Variants in USH2A observed in about 807,000 individuals in gnomAD.
USH2A encodes Usher syndrome 2A (autosomal recessive, mild).
Under a neutral mutation model 538.9 loss-of-function variants are expected in USH2A, and 443 were observed. That is an observed-to-expected ratio of 0.82 (90% CI 0.76 to 0.89). The LOEUF (loss-of-function observed/expected upper bound fraction) is 0.89. Ranked by LOEUF, USH2A falls within the 40% of genes least tolerant of loss-of-function variation. The probability of loss-of-function intolerance (pLI) is 0.00; values close to 1 mark genes in which losing one functional copy is unlikely to be tolerated. For synonymous variants in USH2A, 2,413 were observed against 2,273.5 expected, an observed-to-expected ratio of 1.06 and a Z score of -1.75; for missense variants, 6,633 against 6,324.8, an observed-to-expected ratio of 1.05 and a Z score of -1.65.
At chr1:215,923,371 C>T (rs1666151167) in intron 38 of USH2A, among the ~76,000 whole-genome samples, 1 of 152,102 alleles carries the variant, frequency 6.6e-6, no homozygotes, top group Admixed American at 6.6e-5. Context: ...CATACCCACT[C>T]TGCTTTCTTC....
intron 21 of USH2A, among the ~76,000 whole-genome samples, chr1:216,125,075 T>C (rs950614224): frequency 3.3e-5 from 5 of 152,306 alleles, no homozygotes; most frequent in East Asian, 1.9e-4. Flanking sequence ...TATGCTTATA[T>C]AGAACTAACA....
intron 64 of USH2A, among the ~76,000 whole-genome samples, chr1:215,653,245 A>T (rs1657136955): frequency 6.6e-6 from 1 of 152,184 alleles, no homozygotes; most frequent in East Asian, 1.9e-4. Context: ...CCTGGATTTT[A>T]AAAACACTTG....
intron 13 of USH2A, among the ~76,000 whole-genome samples, chr1:216,232,920 G>A (rs2035730229): frequency 6.6e-6 from 1 of 152,122 alleles, no homozygotes; most frequent in African/African-American, 2.4e-5. Flanking sequence ...AGATTGAGAA[G>A]GTTAACACAC....
chr1:216,237,694 A>C (rs1465515834), intron 13 of USH2A, among the ~76,000 whole-genome samples: 1 of 152,182 alleles, frequency 6.6e-6, no homozygotes, highest in Non-Finnish European at 1.5e-5. Context: ...GTTTGCAGGC[A>C]AAACCTTATC....
intron 41 of USH2A, among the ~76,000 whole-genome samples, chr1:215,880,951 C>T (rs956499179): frequency 7.2e-5 from 11 of 151,862 alleles, no homozygotes; most frequent in African/African-American, 2.4e-4. Context: ...ATAAAAATAC[C>T]AAAAATCACC....
chr1:215,760,479 T>C (rs185428930), intron 56 of USH2A, among the ~76,000 whole-genome samples: 1 of 152,254 alleles, frequency 6.6e-6, no homozygotes, highest in East Asian at 1.9e-4. Context: ...TAAATATGCA[T>C]ATGCTGAAGA....
chr1:215,841,424 G>A lies in USH2A; in HGVS notation c.9258+2870C>T, dbSNP rs1663672677. ...CCACTATCTGATCTTCGACAAACCT[G>A]ACAAAAACAAGCAGTGGGGAAAGGA... On this transcript the variant is annotated intron_variant, in intron 46 of 71. Transcript: ENST00000307340. Among the ~76,000 whole-genome samples the A allele has an allele frequency of 2.6e-5, 4 of 152,234 alleles. No individual in the cohort carries two copies. In the South Asian group the frequency reaches 8.3e-4, roughly 32 times the overall value.
chr1:215,740,363 C>T (rs536186059), intron 60 of USH2A, among the ~76,000 whole-genome samples: 11 of 151,488 alleles, frequency 7.3e-5, no homozygotes, highest in South Asian at 6.3e-4. Flanking sequence ...CCATTATTTT[C>T]TCTCTCTCTC....
intron 51 of USH2A, among the ~76,000 whole-genome samples, chr1:215,789,773 C>T (rs866073489): frequency 3.9e-5 from 6 of 152,132 alleles, no homozygotes; most frequent in Non-Finnish European, 5.9e-5. Context: ...AGGCCCCAGA[C>T]GACCTGTGCT....
At chr1:216,086,068 T>C (rs1451686403) in intron 24 of USH2A, among the ~76,000 whole-genome samples, 2 of 152,080 alleles carry the variant, frequency 1.3e-5, no homozygotes, top group African/African-American at 4.8e-5. Flanking sequence ...AATATTAGCA[T>C]TGCGTTTGAA....
At chr1:216,207,541 C>A in intron 15 of USH2A, 110 bp from the exon 16 acceptor site, 1 of 1,333,802 alleles carries the variant, frequency 7.5e-7, no homozygotes, top group Non-Finnish European at 1.1e-6. Context: ...ATTGCTTTAT[C>A]AAGAAGACAT....
chr1:216,019,306 A>G (rs1571893956), intron 32 of USH2A, among the ~76,000 whole-genome samples: 1 of 152,218 alleles, frequency 6.6e-6, no homozygotes, highest in Admixed American at 6.6e-5. Context: ...AACATAGTTC[A>G]GTTTAGCTGG....
intron 61 of USH2A, among the ~76,000 whole-genome samples, chr1:215,703,383 A>T (rs1359552421): frequency 6.6e-6 from 1 of 152,128 alleles, no homozygotes; most frequent in Admixed American, 6.5e-5. Context: ...AGCAGGCAGG[A>T]ACGTTTAAGT....
intron 3 of USH2A, among the ~76,000 whole-genome samples, chr1:216,404,478 C>T (rs2039358637): frequency 6.6e-6 from 1 of 151,994 alleles, no homozygotes; most frequent in Non-Finnish European, 1.5e-5. Flanking sequence ...TAAATATCTT[C>T]TACTAATTTT....
intron 3 of USH2A, among the ~76,000 whole-genome samples, chr1:216,369,529 A>AT (rs1302463241): frequency 6.6e-6 from 1 of 152,196 alleles, no homozygotes; most frequent in African/African-American, 2.4e-5. Context: ...AATTTTTAGT[A>AT]TTTTTCAAAA....
intron 9 of USH2A, among the ~76,000 whole-genome samples, chr1:216,311,274 A>AG (rs1337288547): frequency 1.3e-5 from 2 of 152,160 alleles, no homozygotes; most frequent in Non-Finnish European, 2.9e-5. Context: ...AGGCATGGAT[A>AG]GGACAGGTCT....
At chr1:216,053,473 T>TC (rs2030866677) in intron 30 of USH2A, among the ~76,000 whole-genome samples, 1 of 150,268 alleles carries the variant, frequency 6.7e-6, no homozygotes, top group Non-Finnish European at 1.5e-5. Context: ...TTTTTTTTTT[T>TC]TGAGAGTGTC....
intron 37 of USH2A, among the ~76,000 whole-genome samples, chr1:215,943,037 C>G (rs1364734531): frequency 6.6e-6 from 1 of 152,156 alleles, no homozygotes; most frequent in Non-Finnish European, 1.5e-5. Flanking sequence ...CTAGCAACAC[C>G]TAGTGCTCAA....
intron 15 of USH2A, among the ~76,000 whole-genome samples, chr1:216,209,303 C>T (rs920882162): frequency 6.6e-6 from 1 of 152,148 alleles, no homozygotes; most frequent in African/African-American, 2.4e-5. Flanking sequence ...AATTAAATAT[C>T]CTGACTTCCT....
Sources: allele counts gnomAD v4.1 joint callset (sites outside exome capture counted in the v4.1 genomes callset), GRCh38; gene constraint gnomAD v4.1.1; transcripts MANE v1.5; gene names NCBI Gene and HGNC (gene_info 2026-07-23, HGNC 2026-07-21).